The following CCDC15 variants were observed in gnomAD, a reference collection of about 807,000 sequenced individuals.
CCDC15 encodes the protein coiled-coil domain-containing protein 15.
A neutral mutation model predicts 114.5 loss-of-function variants in CCDC15; 105 were observed. The observed-to-expected ratio is 0.92, with a 90% CI of 0.78 to 1.08. The LOEUF is 1.08. CCDC15 is among the 50% of genes least tolerant of loss of function. CCDC15 has a pLI of 0.00. For missense variants in CCDC15, 1,105 were observed against 1,093.6 expected (o/e 1.01, Z -0.15); for synonymous variants, 334 against 377.8 (o/e 0.88, Z 1.34).
intron 5 of CCDC15, among the ~76,000 whole-genome samples, chr11:124,977,126 T>C (rs1947986730): frequency 1.3e-5 from 2 of 152,126 alleles, no homozygotes; most frequent in African/African-American, 4.8e-5. Flanking sequence ...TTAGAATCTG[T>C]CTGGTTGTTA....
intron 4 of CCDC15, among the ~76,000 whole-genome samples, chr11:124,965,023 T>G (rs1469737031): frequency 6.6e-6 from 1 of 152,208 alleles, no homozygotes; most frequent in African/African-American, 2.4e-5. Flanking sequence ...CTTTTTGATG[T>G]GCTGCTGGAT....
chr11:124,970,602 T>C (rs1947862098), intron 4 of CCDC15, among the ~76,000 whole-genome samples: 1 of 152,210 alleles, frequency 6.6e-6, no homozygotes, highest in Non-Finnish European at 1.5e-5. Context: ...ATAAAGTAGG[T>C]AAAATTCTAT....
intron 13 of CCDC15, among the ~76,000 whole-genome samples, chr11:125,017,583 C>A (rs974247266): frequency 6.6e-6 from 1 of 152,072 alleles, no homozygotes; most frequent in Non-Finnish European, 1.5e-5. Flanking sequence ...ATAATGAACA[C>A]CTATGTTACT....
At position 125,040,919 on chromosome 11, in the gene CCDC15, C is replaced by T. The variant is rs1948813300; in HGVS notation, c.*208C>T. ...TTACTTCTCTCTTCTGTCTTGTGAA[C>T]CATACGGAGCCTATTATTTTAAAAT... On this transcript the variant is annotated 3_prime_UTR_variant, in exon 16 of 16. Transcript: ENST00000344762. 1 of 523,192 alleles carries T rather than the reference C, an allele frequency of 1.9e-6. No individual in the cohort carries two copies. The highest frequency in any genetic ancestry group is 3.4e-6 in the Non-Finnish European group (1 of 296,980). 32.4% of individuals were successfully genotyped at this position (523,192 alleles called of 1,614,324 possible). A position where few individuals can be genotyped will look rare whatever the true frequency, so the allele number is the denominator to read the frequency against.
chr11:124,972,039 T>G (rs947539555), intron 4 of CCDC15, among the ~76,000 whole-genome samples: 1 of 152,224 alleles, frequency 6.6e-6, no homozygotes, highest in African/African-American at 2.4e-5. Flanking sequence ...TAAACATTAG[T>G]CACAGCTGAT....
At chr11:125,014,939 T>G (rs1948618578) in intron 13 of CCDC15, among the ~76,000 whole-genome samples, 1 of 152,186 alleles carries the variant, frequency 6.6e-6, no homozygotes, top group African/African-American at 2.4e-5. Flanking sequence ...TTTTGGTTAT[T>G]TTTCAGAATA....
At chr11:125,018,417 G>T (rs1388842663) in intron 13 of CCDC15, among the ~76,000 whole-genome samples, 1 of 151,792 alleles carries the variant, frequency 6.6e-6, no homozygotes, top group Non-Finnish European at 1.5e-5. Flanking sequence ...ATGTTTTCAT[G>T]ACAAAGATGA....
intron 13 of CCDC15, among the ~76,000 whole-genome samples, chr11:125,023,933 T>G (rs1948678291): frequency 6.6e-6 from 1 of 151,922 alleles, no homozygotes; most frequent in African/African-American, 2.4e-5. Flanking sequence ...GATACAGAGA[T>G]AGAAAAGTTA....
chr11:124,964,762 A>G (rs1378414268), intron 4 of CCDC15, among the ~76,000 whole-genome samples: 1 of 152,160 alleles, frequency 6.6e-6, no homozygotes, highest in African/African-American at 2.4e-5. Flanking sequence ...ATTCAGTATG[A>G]TATTGGCTGT....
chr11:124,973,374 C>T (rs12280804), intron 4 of CCDC15, among the ~76,000 whole-genome samples: 26,591 of 150,448 alleles, frequency 0.18, 2,546 homozygotes, highest in African/African-American at 0.24. Context: ...TTTATAATTT[C>T]AACTACACAT....
intron 5 of CCDC15, among the ~76,000 whole-genome samples, chr11:124,975,616 CA>C (rs1410517220): frequency 6.6e-6 from 1 of 151,970 alleles, no homozygotes; most frequent in African/African-American, 2.4e-5. Flanking sequence ...AGTTGGGAAG[CA>C]TATAATAAAC....
chr11:125,030,505 A>G (rs1169784622), intron 13 of CCDC15, among the ~76,000 whole-genome samples: 1 of 152,192 alleles, frequency 6.6e-6, no homozygotes, highest in Admixed American at 6.5e-5. Flanking sequence ...TGGCAGAAGC[A>G]TTGTGTGCAG....
At chr11:125,001,870 G>GT (rs570763590) in intron 11 of CCDC15, among the ~76,000 whole-genome samples, 27 of 148,746 alleles carry the variant, frequency 1.8e-4, no homozygotes, top group East Asian at 9.8e-4. Context: ...TTGTGTACAA[G>GT]TTTTTTTTTT....
In CCDC15 at chr11:124,986,776, C is replaced by G; in HGVS notation, c.788C>G (p.Ser263Cys). 1 of 1,548,254 alleles carries G rather than the reference C, an allele frequency of 6.5e-7. No homozygotes were observed. Among genetic ancestry groups the G allele is most frequent in the Non-Finnish European group, 8.7e-7 (1 of 1,145,650 alleles). Residue 263 changes from serine to cysteine, a missense_variant, in exon 7 of 16, where the codon TCT becomes TGT. By Grantham distance (112) the Ser-to-Cys change is moderately radical. Coordinates refer to ENST00000344762, the MANE Select transcript of CCDC15 (RefSeq NM_025004.3). ...LDYEEPDYEESSSLVTDEKGK... is the reference protein window; with the variant it reads ...LDYEEPDYEECSSLVTDEKGK... The stretch of plus-strand genomic sequence containing the variant: ...TATGAGGAACCTGACTATGAGGAAT[C>G]TTCATCTCTTGTAACTGATGAGAAA...
chr11:125,003,814 T>G, intron 11 of CCDC15, 53 bp from the exon 12 acceptor site: 3 of 934,252 alleles, frequency 3.2e-6, no homozygotes, highest in Non-Finnish European at 4.8e-6. Context: ...AAATTGTTCA[T>G]GGGGTAGTTT....
At chr11:124,971,720 G>A (rs543473238) in intron 4 of CCDC15, among the ~76,000 whole-genome samples, 1 of 152,054 alleles carries the variant, frequency 6.6e-6, no homozygotes, top group African/African-American at 2.4e-5. Context: ...TGCATGCATT[G>A]TTATTAAAAA....
chr11:124,959,918 C>A lies in CCDC15; in HGVS notation c.431C>A (p.Ser144Tyr). ...PNNLNVAIGS[S>Y]RLPPSLMPGD... ...AATTTGAATGTTGCTATTGGAAGTT[C>A]TAGGTTACCTCCTTCCCTGATGCCT... Residue 144 changes from serine (S) to tyrosine (Y), a missense_variant, in exon 4 of 16, where the codon TCT (serine) becomes TAT (tyrosine). Transcript: ENST00000344762. The A allele has an allele frequency of 1.3e-6, 2 of 1,588,022 alleles. No homozygotes were observed. Among genetic ancestry groups the A allele is most frequent in the Non-Finnish European group, 1.7e-6 (2 of 1,165,402 alleles).
At chr11:124,993,322 A>G (rs985651599) in intron 11 of CCDC15, 79 bp downstream of exon 11, 72 of 958,230 alleles carry the variant, frequency 7.5e-5, no homozygotes, top group Non-Finnish European at 1.1e-4. Flanking sequence ...AACAGAGTGT[A>G]AATTGCTTTT....
At chr11:124,977,703 T>A in intron 6 of CCDC15, 103 bp downstream of exon 6, 1 of 1,160,948 alleles carries the variant, frequency 8.6e-7, no homozygotes. Context: ...GTATTTTTTT[T>A]AACGGACTTT....
Sources: allele counts gnomAD v4.1 joint callset (sites outside exome capture counted in the v4.1 genomes callset), GRCh38; gene constraint gnomAD v4.1.1; transcripts MANE v1.5; gene names NCBI Gene and HGNC (gene_info 2026-07-23, HGNC 2026-07-21).